The following PDGFD variants were observed in gnomAD, a reference collection of about 807,000 sequenced individuals.
PDGFD encodes platelet derived growth factor D.
In PDGFD, 30 loss-of-function variants were observed where a neutral mutation model predicts 44.7. The ratio of observed to expected loss-of-function variants is 0.67; its 90% CI spans 0.50 to 0.91. The LOEUF is 0.91. PDGFD is among the 40% of genes least tolerant of loss of function. The pLI, the probability that PDGFD is intolerant of heterozygous loss-of-function variation, is 0.00. For missense variants in PDGFD, 445 were observed against 457.8 expected (o/e 0.97, Z 0.25); for synonymous variants, 173 against 168.4 (o/e 1.03, Z -0.21).
At chr11:104,029,126 G>A (rs1452746072) in intron 1 of PDGFD, among the ~76,000 whole-genome samples, 1 of 152,194 alleles carries the variant, frequency 6.6e-6, no homozygotes, top group Non-Finnish European at 1.5e-5. Context: ...ATGAGCATGG[G>A]AGTGCCACAT....
intron 6 of PDGFD, among the ~76,000 whole-genome samples, chr11:103,924,016 T>C (rs1478434720): frequency 6.6e-6 from 1 of 152,172 alleles, no homozygotes; most frequent in African/African-American, 2.4e-5. Flanking sequence ...AATTTGCAAG[T>C]AATGGTTATT....
intron 1 of PDGFD, among the ~76,000 whole-genome samples, chr11:104,116,031 G>C (rs556235087): frequency 1.3e-5 from 2 of 151,894 alleles, no homozygotes; most frequent in African/African-American, 4.8e-5. Flanking sequence ...ATGCTCTTTA[G>C]TTTAATTAAG....
intron 3 of PDGFD, among the ~76,000 whole-genome samples, chr11:103,968,450 C>T (rs1859052573): frequency 6.6e-6 from 1 of 152,214 alleles, no homozygotes; most frequent in Non-Finnish European, 1.5e-5. Flanking sequence ...AAAACCTACT[C>T]ATCGTCGTCC....
At chr11:104,008,012 G>T (rs1204069726) in intron 1 of PDGFD, among the ~76,000 whole-genome samples, 1 of 152,176 alleles carries the variant, frequency 6.6e-6, no homozygotes, top group East Asian at 1.9e-4. Flanking sequence ...GAAGTGATTT[G>T]TTGCAAGCCC....
At chr11:104,071,061 A>G (rs1860867407) in intron 1 of PDGFD, among the ~76,000 whole-genome samples, 1 of 152,044 alleles carries the variant, frequency 6.6e-6, no homozygotes, top group South Asian at 2.1e-4. Context: ...AGTGTGATGT[A>G]AACAATATAC....
At chr11:104,034,885 G>A (rs757450487) in intron 1 of PDGFD, among the ~76,000 whole-genome samples, 19 of 152,014 alleles carry the variant, frequency 1.2e-4, no homozygotes, top group Non-Finnish European at 2.6e-4. Context: ...CTCTTGATCC[G>A]CCCACCCTGG....
At chr11:104,091,173 A>G (rs1861208363) in intron 1 of PDGFD, among the ~76,000 whole-genome samples, 1 of 152,212 alleles carries the variant, frequency 6.6e-6, no homozygotes, top group African/African-American at 2.4e-5. Flanking sequence ...TTACATGCGT[A>G]TAGGCATACT....
At chr11:103,964,906 A>G (rs1858991548) in intron 3 of PDGFD, among the ~76,000 whole-genome samples, 1 of 151,880 alleles carries the variant, frequency 6.6e-6, no homozygotes, top group Non-Finnish European at 1.5e-5. Flanking sequence ...TCCAGTCAGT[A>G]TCATTTCAGG....
chr11:104,004,632 AAAAT>A (rs1367942334), intron 1 of PDGFD, among the ~76,000 whole-genome samples: 1 of 152,152 alleles, frequency 6.6e-6, no homozygotes, highest in African/African-American at 2.4e-5. Flanking sequence ...CTACAGGGGA[AAAAT>A]AACAATATTT....
At chr11:104,133,092 C>T (rs1861947433) in intron 1 of PDGFD, among the ~76,000 whole-genome samples, 1 of 152,070 alleles carries the variant, frequency 6.6e-6, no homozygotes, top group South Asian at 2.1e-4. Context: ...TGTTACACCT[C>T]ATAGGCTAGA....
At chr11:103,971,627 C>T (rs1055934154) in intron 3 of PDGFD, among the ~76,000 whole-genome samples, 4 of 152,156 alleles carry the variant, frequency 2.6e-5, no homozygotes, top group Non-Finnish European at 5.9e-5. Flanking sequence ...ACTTACATCT[C>T]ATAAAATAAA....
chr11:104,134,800 A>G (rs1861978195), intron 1 of PDGFD, among the ~76,000 whole-genome samples: 1 of 152,042 alleles, frequency 6.6e-6, no homozygotes, highest in Admixed American at 6.6e-5. Flanking sequence ...CTCCTGAAAA[A>G]CCCTGGGCTG....
intron 1 of PDGFD, among the ~76,000 whole-genome samples, chr11:104,090,341 C>T (rs535409637): frequency 1.3e-4 from 20 of 150,988 alleles, no homozygotes; most frequent in Non-Finnish European, 1.9e-4. Flanking sequence ...GATGTAGAGG[C>T]GGGCACAGTG....
intron 1 of PDGFD, among the ~76,000 whole-genome samples, chr11:104,128,064 A>T (rs934815850): frequency 6.6e-6 from 1 of 152,088 alleles, no homozygotes; most frequent in Non-Finnish European, 1.5e-5. Context: ...ACATGGCAAC[A>T]CACAGGGCTG....
chr11:104,072,608 G>T (rs1225826478), intron 1 of PDGFD, among the ~76,000 whole-genome samples: 3 of 151,830 alleles, frequency 2.0e-5, no homozygotes, highest in Non-Finnish European at 4.4e-5. Flanking sequence ...GTACAATGTT[G>T]AAAGTTAACA....
At chr11:104,145,625 G>C (rs1333870764) in intron 1 of PDGFD, among the ~76,000 whole-genome samples, 1 of 152,106 alleles carries the variant, frequency 6.6e-6, no homozygotes, top group African/African-American at 2.4e-5. Context: ...AATTTATATA[G>C]GGAGCTCTTT....
At chr11:104,081,112 GTTTA>G (rs1383976600) in intron 1 of PDGFD, among the ~76,000 whole-genome samples, 2 of 152,038 alleles carry the variant, frequency 1.3e-5, no homozygotes, top group Non-Finnish European at 1.5e-5. Context: ...GATTATATAT[GTTTA>G]TTTTTGTTTT....
intron 1 of PDGFD, among the ~76,000 whole-genome samples, chr11:104,131,417 A>C (rs1036909114): frequency 6.6e-6 from 1 of 152,142 alleles, no homozygotes; most frequent in Non-Finnish European, 1.5e-5. Context: ...AAAATTTCTA[A>C]AATGTGAAAA....
At chr11:104,108,717 T>C (rs1861504260) in intron 1 of PDGFD, among the ~76,000 whole-genome samples, 1 of 152,092 alleles carries the variant, frequency 6.6e-6, no homozygotes, top group South Asian at 2.1e-4. Context: ...ACCCAAAGGA[T>C]TATAAATCAT....
Sources: gnomAD v4.1 joint callset for allele counts (sites outside exome capture counted in the v4.1 genomes callset) on GRCh38, gnomAD v4.1.1 for gene constraint, MANE v1.5 for transcripts, NCBI Gene and HGNC (gene_info 2026-07-23, HGNC 2026-07-21) for gene names.